DNAH17: variants seen among roughly 807,000 people sequenced by gnomAD.
DNAH17 encodes the protein axonemal beta dynein heavy chain 17.
In DNAH17, 376 loss-of-function variants were observed where a neutral mutation model predicts 485.6. The ratio of observed to expected loss-of-function variants is 0.77; its 90% CI spans 0.71 to 0.84. DNAH17 has a LOEUF of 0.84. DNAH17 is among the 40% of genes least tolerant of loss of function. The pLI is 0.00. For missense variants in DNAH17, 6,370 were observed against 5,839.3 expected, an observed-to-expected ratio of 1.09 and a Z score of -2.96; for synonymous variants, 3,031 against 2,405.9, an observed-to-expected ratio of 1.26 and a Z score of -7.60.
At chr17:78,560,320 G>A (rs372688241) in intron 13 of DNAH17, among the ~76,000 whole-genome samples, 2 of 152,162 alleles carry the variant, frequency 1.3e-5, no homozygotes, top group East Asian at 1.9e-4. Flanking sequence ...GGGCAGCTCT[G>A]GGGCTGTGCT....
chr17:78,530,494 G>C lies in DNAH17; in HGVS notation c.3133C>G (p.Leu1045Val). The C allele has an allele frequency of 6.2e-7, 1 of 1,608,644 alleles. No homozygotes were observed. Among genetic ancestry groups the C allele is most frequent in the Non-Finnish European group, 8.5e-7 (1 of 1,176,160 alleles). The change falls in exon 21 of 81, where the codon CTG becomes GTG. Residue 1045 changes from leucine to valine, a missense_variant. By Grantham distance (32) the Leu-to-Val change is conservative. Transcript: ENST00000389840. ...FQEQIDSYEK[L>V]YEEVSKCENT... ...TCGCACTTGGACACCTCCTCATACA[G>C]CTTCTCGTAGGAGTCGATCTGGAAA...
chr17:78,546,248 G>A (rs1249923124), intron 16 of DNAH17, among the ~76,000 whole-genome samples: 1 of 152,086 alleles, frequency 6.6e-6, no homozygotes, highest in Non-Finnish European at 1.5e-5. Context: ...ATCTTTTAAA[G>A]GTCAAAAATG....
chr17:78,490,547 C>T (rs989330882), intron 44 of DNAH17, among the ~76,000 whole-genome samples, 152 bp downstream of exon 44: 2 of 152,240 alleles, frequency 1.3e-5, no homozygotes, highest in African/African-American at 4.8e-5. Flanking sequence ...CCAGGTCTCT[C>T]ACCCCTTCAC....
At chr17:78,517,343 C>T (rs761354221) in intron 25 of DNAH17, among the ~76,000 whole-genome samples, 56 of 152,234 alleles carry the variant, frequency 3.7e-4, no homozygotes, top group East Asian at 1.7e-3. Flanking sequence ...CGCACCAGGC[C>T]GGATTTGAAA....
intron 11 of DNAH17, among the ~76,000 whole-genome samples, chr17:78,562,267 A>G (rs540196082): frequency 6.6e-6 from 1 of 152,258 alleles, no homozygotes; most frequent in Admixed American, 6.5e-5. Context: ...AAAAATCAGA[A>G]TTCTGGTAAG....
intron 31 of DNAH17, among the ~76,000 whole-genome samples, chr17:78,504,894 CTTTTTTTTTTTTTTTT>C (rs66596656): frequency 8.5e-5 from 5 of 58,934 alleles, no homozygotes; most frequent in Non-Finnish European, 1.5e-4. Flanking sequence ...ATTAACAGGG[CTTTTTTTTTTTTTTTT>C]TTTTTTTTTT....
chr17:78,557,643 A>AAAG (rs2092055412), intron 14 of DNAH17, among the ~76,000 whole-genome samples: 2 of 140,586 alleles, frequency 1.4e-5, no homozygotes, highest in Non-Finnish European at 3.0e-5. Context: ...TCTCAAAAAA[A>AAAG]AAAAAAAAAA....
In DNAH17 at chr17:78,495,994, T is replaced by C. The variant is rs554196198; in HGVS notation, c.5784A>G (p.Lys1928=). The C allele has an allele frequency of 1.0e-4, 165 of 1,613,886 alleles. 1 individual carries two copies. In the South Asian group the frequency reaches 1.7e-3, roughly 17 times the overall value. ...CVQDAIRAKK[K]AFNFLGEIIG... ...TGATCTCTCCCAGGAAATTGAATGC[T>C]TTTTTCTTGGCCCGAATTGCATCCT... The change falls in exon 38 of 81, where the codon AAA becomes AAG. Residue 1928 remains lysine (K), a synonymous_variant. Coordinates refer to ENST00000389840, the MANE Select transcript of DNAH17 (RefSeq NM_173628.4).
At chr17:78,437,898 A>T (rs781210502) in intron 73 of DNAH17, 30 bp from the exon 74 acceptor site, 12 of 1,554,202 alleles carry the variant, frequency 7.7e-6, no homozygotes, top group Non-Finnish European at 1.1e-5. Flanking sequence ...CTGGTTACAC[A>T]CTTTGCCCAG....
intron 56 of DNAH17, among the ~76,000 whole-genome samples, chr17:78,464,560 C>A (rs1224480455): frequency 6.6e-6 from 1 of 152,216 alleles, no homozygotes; most frequent in African/African-American, 2.4e-5. Context: ...TGCCCCCAGC[C>A]CTCGGCACCA....
At position 78,501,231 on chromosome 17, in the gene DNAH17, C is replaced by T. The variant is rs770535594; in HGVS notation, c.5436G>A (p.Glu1812=). The change falls in exon 35 of 81, where the codon GAG becomes GAA. Residue 1812 remains glutamate (E), a synonymous_variant. Coordinates refer to ENST00000389840, the MANE Select transcript of DNAH17 (RefSeq NM_173628.4). The part of the protein sequence containing the change: ...ICDAQIQYSY[E]YLGNTPRLVI... ...CCAGCCGCGGCGTGTTGCCCAGATA[C>T]TCATAGGAATACTGGATTTGGGCAT... 1.2e-6 allele frequency: 2 copies of T among 1,605,258 alleles called. No homozygotes were observed. Among genetic ancestry groups the T allele is most frequent in the African/African-American group, 1.3e-5 (1 of 74,786 alleles).
intron 69 of DNAH17, among the ~76,000 whole-genome samples, chr17:78,445,935 C>T (rs960342224): frequency 4.7e-5 from 7 of 150,516 alleles, no homozygotes; most frequent in Non-Finnish European, 7.4e-5. Context: ...TTTGGGAGGC[C>T]GAGGAGGGGG....
intron 25 of DNAH17, among the ~76,000 whole-genome samples, chr17:78,520,114 G>GAA (rs34706828): frequency 2.9e-4 from 44 of 150,718 alleles, no homozygotes; most frequent in Middle Eastern, 6.9e-3. Context: ...TCTGTTTCAA[G>GAA]AAAAAAAAAG....
In DNAH17 at chr17:78,444,514, G is replaced by A. The variant is rs900138446; in HGVS notation, c.11528+90C>T. ...AAAAAAGTTCAGGGGATCAACTCAA[G>A]TCCACAGAGAGTCTAGCACAGCCGC... On this transcript the variant is annotated intron_variant, in intron 71 of 80. Coordinates refer to ENST00000389840, the MANE Select transcript of DNAH17 (RefSeq NM_173628.4). 3 of 1,295,878 alleles carry A rather than the reference G, an allele frequency of 2.3e-6. No homozygotes were observed. In the African/African-American group the frequency reaches 4.6e-5, roughly 20 times the overall value. The allele number at this position is 1,295,878 out of a possible 1,614,324, so 80.3% of individuals were successfully genotyped here. A position where few individuals can be genotyped will look rare whatever the true frequency, so the allele number is the denominator to read the frequency against.
rs8069689 is a variant in DNAH17 at position 78,425,714 on chromosome 17, C to G, written c.12916-143G>C. 0.13 allele frequency: 81,384 copies of G among 609,026 alleles called. 6,591 individuals are homozygous for G. The highest frequency in any genetic ancestry group is 0.2 in the Middle Eastern group (424 of 2,132). The allele number at this position is 609,026 out of a possible 1,614,324, so 37.7% of individuals were successfully genotyped here. Reference sequence around the variant, plus strand: ...TAGAAGTGCTGGACAGAGTAGGGGCCATGGAGCCCAGCCACCTACCATGAC... The same window carrying G: ...TAGAAGTGCTGGACAGAGTAGGGGCGATGGAGCCCAGCCACCTACCATGAC... On this transcript the variant is annotated intron_variant, in intron 79 of 80. Transcript: ENST00000389840.
Position 78,485,645 on chromosome 17 carries a change from AC to A in DNAH17, c.7387del (p.Val2463CysfsTer2), listed in dbSNP as rs1414083520. 3 of 1,613,846 alleles carry A rather than the reference AC, an allele frequency of 1.9e-6. No homozygotes were observed. The highest frequency in any genetic ancestry group is 3.3e-5 in the Admixed American group (2 of 60,014). ...LVGNAGTGKS[V>X]LMGDKLESLN... The stretch of plus-strand genomic sequence containing the variant: ...GCTTTCCAGCTTGTCCCCCATCAGC[AC>A]CGACTTGCCCGTCCCCGCGTTCCCC... On this transcript the variant is annotated frameshift_variant, in exon 47 of 81. Coordinates refer to ENST00000389840, the MANE Select transcript of DNAH17 (RefSeq NM_173628.4). LOFTEE classifies it high-confidence loss of function.
At chr17:78,478,754 A>G (rs951236565) in intron 51 of DNAH17, 100 of 417,774 alleles carry the variant, frequency 2.4e-4, no homozygotes, top group Non-Finnish European at 1.1e-4. Context: ...CATCACCACC[A>G]TCACTATCAT....
chr17:78,568,353 G>T (rs901484638), intron 9 of DNAH17, among the ~76,000 whole-genome samples: 6 of 152,090 alleles, frequency 3.9e-5, no homozygotes, highest in Non-Finnish European at 5.9e-5. Flanking sequence ...AGGAGGTGTA[G>T]AAGAGAACTG....
At position 78,505,288 on chromosome 17, in the gene DNAH17, C is replaced by G. The variant is rs1169278104; in HGVS notation, c.4956+5G>C. The G allele has an allele frequency of 5.6e-6, 9 of 1,613,774 alleles. No homozygotes were observed. The South Asian group carries it at 7.7e-5, about 14-fold the overall frequency. On this transcript the variant is annotated splice_donor_5th_base_variant and intron_variant, in intron 31 of 80. Coordinates refer to ENST00000389840, the MANE Select transcript of DNAH17 (RefSeq NM_173628.4). ...GTTCCCTGTGTGGTGTGCGCACACACTCACCTGCCCCGAGAGGTCGCATTC... is the reference window on the plus strand; with the variant it reads ...GTTCCCTGTGTGGTGTGCGCACACAGTCACCTGCCCCGAGAGGTCGCATTC...
Sources: gnomAD v4.1 joint callset for allele counts (sites outside exome capture counted in the v4.1 genomes callset) on GRCh38, gnomAD v4.1.1 for gene constraint, MANE v1.5 for transcripts, NCBI Gene and HGNC (gene_info 2026-07-23, HGNC 2026-07-21) for gene names.